TARBP1: variants seen among roughly 807,000 people sequenced by gnomAD.
TARBP1 encodes tRNA guanosine 2 -O-methyltransferase TARBP1.
In TARBP1, 144 loss-of-function variants were observed where a neutral mutation model predicts 178.6. The ratio of observed to expected loss-of-function variants is 0.81; its 90% CI spans 0.70 to 0.93. The LOEUF is 0.93. Ranked by LOEUF, TARBP1 falls within the 40% of genes least tolerant of loss-of-function variation. TARBP1 has a pLI of 0.00. For missense variants in TARBP1, 2,067 were observed against 2,011.7 expected, an observed-to-expected ratio of 1.03 and a Z score of -0.53; for synonymous variants, 787 against 781.0, an observed-to-expected ratio of 1.01 and a Z score of -0.13.
chr1:234,450,445 T>G lies in TARBP1; in HGVS notation c.1844A>C (p.Lys615Thr). The G allele has an allele frequency of 6.3e-7, 1 of 1,595,166 alleles. No individual in the cohort carries two copies. Among genetic ancestry groups the G allele is most frequent in the Non-Finnish European group, 8.5e-7 (1 of 1,174,230 alleles). The change falls in exon 10 of 30, where the codon AAG becomes ACG. Residue 615 changes from lysine to threonine, a missense_variant. By Grantham distance (78) the Lys-to-Thr change is moderately conservative (BLOSUM62 -1). Coordinates refer to ENST00000040877, the MANE Select transcript of TARBP1 (RefSeq NM_005646.4). Reference sequence around the variant, plus strand: ...AGACTTACTTTCCCAAGCAGATGACTTAACATACTCTTGAACAATGCTCTT... The same window carrying G: ...AGACTTACTTTCCCAAGCAGATGACGTAACATACTCTTGAACAATGCTCTT... ...YVKSIVQEYV[K>T]SSAWETGENC...
chr1:234,410,353 A>G, intron 23 of TARBP1, 92 bp downstream of exon 23: 1 of 739,562 alleles, frequency 1.4e-6, no homozygotes, highest in Admixed American at 2.9e-5. Flanking sequence ...AATTGCAAAC[A>G]TTCACAGGAA....
At chr1:234,427,434 A>G in intron 18 of TARBP1, 46 bp from the exon 19 acceptor site, 2 of 1,500,180 alleles carry the variant, frequency 1.3e-6, no homozygotes, top group Non-Finnish European at 1.8e-6. Context: ...TTTTAAATAG[A>G]AAAAAAATTA....
chr1:234,402,635 T>C (rs1660810694), intron 24 of TARBP1, among the ~76,000 whole-genome samples: 1 of 151,968 alleles, frequency 6.6e-6, no homozygotes, highest in Non-Finnish European at 1.5e-5. Context: ...AGTGCAGTGG[T>C]GCAATCTCCG....
chr1:234,433,126 T>C (rs1664641643), intron 14 of TARBP1, among the ~76,000 whole-genome samples: 1 of 152,042 alleles, frequency 6.6e-6, no homozygotes, highest in South Asian at 2.1e-4. Context: ...TAATCCCAGC[T>C]ACTCAGGAGG....
rs1019745239 is a variant in TARBP1 at position 234,479,051 on chromosome 1, G to A, written c.53C>T (p.Ala18Val). 5 of 1,538,900 alleles carry A rather than the reference G, an allele frequency of 3.2e-6. No individual in the cohort carries two copies. In the African/African-American group the frequency reaches 4.3e-5, roughly 13 times the overall value. ...ALLSQSRDPR[A>V]LLGALCQGEA... Reference sequence around the variant, plus strand: ...CCCTTGGCACAGCGCCCCAAGCAGGGCCCGGGGGTCCCGGCTCTGCGAGAG... The same window carrying A: ...CCCTTGGCACAGCGCCCCAAGCAGGACCCGGGGGTCCCGGCTCTGCGAGAG... The change falls in exon 1 of 30, where the codon GCC (alanine) becomes GTC (valine). Residue 18 changes from alanine (A) to valine (V), a missense_variant. Ala to Val is a moderately conservative substitution (Grantham distance 64). Coordinates refer to ENST00000040877, the MANE Select transcript of TARBP1 (RefSeq NM_005646.4).
At chr1:234,467,197 T>C (rs1668530992) in intron 4 of TARBP1, among the ~76,000 whole-genome samples, 1 of 152,240 alleles carries the variant, frequency 6.6e-6, no homozygotes, top group Admixed American at 6.5e-5. Flanking sequence ...CATCACCTGA[T>C]AGCTTCTATA....
At chr1:234,419,935 G>A (rs1012928060) in intron 21 of TARBP1, among the ~76,000 whole-genome samples, 6 of 152,052 alleles carry the variant, frequency 3.9e-5, no homozygotes, top group Non-Finnish European at 7.4e-5. Context: ...AAAGAAAGAG[G>A]CTAGTATATA....
At chr1:234,449,672 G>A (rs1398189473) in intron 10 of TARBP1, among the ~76,000 whole-genome samples, 1 of 152,130 alleles carries the variant, frequency 6.6e-6, no homozygotes, top group African/African-American at 2.4e-5. Flanking sequence ...CATTTTGGAA[G>A]GATAATTATC....
rs57636903 is a variant in TARBP1 at position 234,451,766 on chromosome 1, A to AAAAAAAAAAC, written c.1723-1201_1723-1200insGTTTTTTTTT. Reference sequence around the variant, plus strand: ...TCCGTCTCAAAAAAAAAAAAAAAAAATGATGAATGACTGGATCATCGAAGT... The same window carrying AAAAAAAAAAC: ...TCCGTCTCAAAAAAAAAAAAAAAAAAAAAAAAAAACTGATGAATGACTGGATCATCGAAGT... On this transcript the variant is annotated intron_variant, in intron 9 of 29. Transcript: ENST00000040877. 5.8e-4 allele frequency among the ~76,000 whole-genome samples: 10 copies of AAAAAAAAAAC among 17,176 alleles called. 4 individuals carry two copies. The highest frequency in any genetic ancestry group is 4.1e-3 in the African/African-American group (10 of 2,440). 11.3% of individuals were successfully genotyped at this position (17,176 alleles called of 152,430 possible).
intron 24 of TARBP1, among the ~76,000 whole-genome samples, chr1:234,403,234 T>C (rs1660875308): frequency 6.6e-6 from 1 of 152,226 alleles, no homozygotes; most frequent in Non-Finnish European, 1.5e-5. Context: ...AGACCAAGCT[T>C]GCTTTAGTTA....
intron 13 of TARBP1, 91 bp from the exon 14 acceptor site, chr1:234,433,662 A>C: frequency 8.0e-7 from 1 of 1,252,276 alleles, no homozygotes; most frequent in East Asian, 2.3e-5. Context: ...GTTTACTTAA[A>C]GGACCACAAC....
intron 17 of TARBP1, 136 bp from the exon 18 acceptor site, chr1:234,427,902 T>G (rs1276719555): frequency 2.0e-6 from 1 of 491,008 alleles, no homozygotes; most frequent in Non-Finnish European, 3.3e-6. Flanking sequence ...TAGAATAACT[T>G]TGCGAGATGA....
intron 13 of TARBP1, among the ~76,000 whole-genome samples, chr1:234,436,194 C>G (rs1307796942): frequency 6.6e-6 from 1 of 152,110 alleles, no homozygotes; most frequent in Non-Finnish European, 1.5e-5. Flanking sequence ...AATGGGTCAT[C>G]ATATAAGCAT....
At chr1:234,448,452 C>T in intron 11 of TARBP1, 28 bp downstream of exon 11, 2 of 1,587,312 alleles carry the variant, frequency 1.3e-6, no homozygotes, top group Non-Finnish European at 1.7e-6. Flanking sequence ...TTCAAATAGG[C>T]TTTCTTTTCA....
At chr1:234,396,662 A>G (rs187035686) in intron 26 of TARBP1, among the ~76,000 whole-genome samples, 119 of 152,242 alleles carry the variant, frequency 7.8e-4, no homozygotes, top group Non-Finnish European at 1.4e-3. Flanking sequence ...AAAACACATT[A>G]GTGAACCATC....
At chr1:234,402,305 A>T (rs535708696) in intron 24 of TARBP1, among the ~76,000 whole-genome samples, 1 of 152,276 alleles carries the variant, frequency 6.6e-6, no homozygotes, top group East Asian at 1.9e-4. Context: ...TCACTTAAAA[A>T]CAACTAATGT....
chr1:234,394,065 TATG>T (rs1426723939), intron 26 of TARBP1, among the ~76,000 whole-genome samples: 3 of 152,212 alleles, frequency 2.0e-5, no homozygotes. Flanking sequence ...ACCAACATAT[TATG>T]ATACTTCATG....
At position 234,427,283 on chromosome 1, in the gene TARBP1, T is replaced by C. The variant is rs758866776; in HGVS notation, c.3323+34A>G. The C allele has an allele frequency of 8.1e-6, 12 of 1,489,644 alleles. No homozygotes were observed. The Admixed American group carries it at 1.9e-4, about 23-fold the overall frequency. The allele number at this position is 1,489,644 out of a possible 1,614,324, so 92.3% of individuals were successfully genotyped here. ...TGATGTTAAATTTTTAGTATCTCAT[T>C]TATGTGAAGACAGAGAAAATCTACC... is the stretch of plus-strand genomic sequence containing the variant. On this transcript the variant is annotated intron_variant, in intron 19 of 29. Coordinates refer to ENST00000040877, the MANE Select transcript of TARBP1 (RefSeq NM_005646.4).
Position 234,478,253 on chromosome 1 carries a change from G to T in TARBP1, c.851C>A (p.Ala284Glu), listed in dbSNP as rs753374558. The change falls in exon 1 of 30, where the codon GCG becomes GAG. Residue 284 changes from alanine (A) to glutamate (E), a missense_variant. Physicochemically the swap from Ala to Glu is moderately radical, Grantham distance 107. Coordinates refer to ENST00000040877, the MANE Select transcript of TARBP1 (RefSeq NM_005646.4). ...CACCGCCCTCTGCAGCAGGTAGCGC[G>T]CTCGCTTGCGCGTCAGGGCGTCCGC... ...GQADALTRKR[A>E]RYLLQRAVEV... 2 of 1,607,318 alleles carry T rather than the reference G, an allele frequency of 1.2e-6. No individual in the cohort carries two copies. The highest frequency in any genetic ancestry group is 2.2e-5 in the South Asian group (2 of 90,584).
Sources: allele counts gnomAD v4.1 joint callset (sites outside exome capture counted in the v4.1 genomes callset), GRCh38; gene constraint gnomAD v4.1.1; transcripts MANE v1.5; gene names NCBI Gene and HGNC (gene_info 2026-07-23, HGNC 2026-07-21).